Variants in RPTOR observed in about 807,000 individuals in gnomAD.
The protein encoded by RPTOR is regulatory associated protein of MTOR complex 1, also known as regulatory-associated protein of mTOR.
Under a neutral mutation model 169.9 loss-of-function variants are expected in RPTOR, and 21 were observed. That is an observed-to-expected ratio of 0.12 (90% CI 0.09 to 0.18). RPTOR has a LOEUF of 0.18. RPTOR is among the 10% of genes least tolerant of loss of function. The pLI is 1.00. For missense variants in RPTOR, 1,133 were observed against 1,855.9 expected (o/e 0.61, Z 7.16); for synonymous variants, 732 against 753.2 (o/e 0.97, Z 0.46).
chr17:80,606,262 G>A (rs964662545), intron 1 of RPTOR, among the ~76,000 whole-genome samples: 13 of 150,862 alleles, frequency 8.6e-5, no homozygotes, highest in South Asian at 4.2e-4. Flanking sequence ...CACCCGCCTC[G>A]GCCTCCCAAA....
At chr17:80,618,067 G>A (rs988287683) in intron 1 of RPTOR, among the ~76,000 whole-genome samples, 2 of 149,850 alleles carry the variant, frequency 1.3e-5, no homozygotes, top group African/African-American at 4.9e-5. Flanking sequence ...TGTAACCTCC[G>A]CCTCCCGGGT....
At chr17:80,813,430 A>G (rs2138126) in intron 7 of RPTOR, among the ~76,000 whole-genome samples, 78,808 of 152,140 alleles carry the variant, frequency 0.52, 20,945 homozygotes, top group African/African-American at 0.63. Context: ...AATGACCGAC[A>G]TGTGTGTGTG....
At chr17:80,714,231 G>A (rs902365408) in intron 4 of RPTOR, among the ~76,000 whole-genome samples, 2 of 152,166 alleles carry the variant, frequency 1.3e-5, no homozygotes, top group Admixed American at 6.5e-5. Context: ...GTGAGCCACC[G>A]TGCCTGGCCC....
chr17:80,691,550 T>C (rs2065991843), intron 3 of RPTOR, among the ~76,000 whole-genome samples: 1 of 152,208 alleles, frequency 6.6e-6, no homozygotes, highest in Non-Finnish European at 1.5e-5. Context: ...TCTTCACCGA[T>C]GTCCACGTCG....
chr17:80,551,766 G>A (rs1366834076), intron 1 of RPTOR, among the ~76,000 whole-genome samples: 1 of 152,170 alleles, frequency 6.6e-6, no homozygotes, highest in Admixed American at 6.5e-5. Context: ...TACGGGTGTC[G>A]GGCTGGGGGA....
At chr17:80,831,869 G>A (rs372192655) in intron 9 of RPTOR, among the ~76,000 whole-genome samples, 5 of 152,288 alleles carry the variant, frequency 3.3e-5, no homozygotes, top group African/African-American at 4.8e-5. Flanking sequence ...GTATGTCACC[G>A]TGTATCCCTG....
intron 8 of RPTOR, among the ~76,000 whole-genome samples, chr17:80,822,571 C>A (rs994008256): frequency 1.3e-5 from 2 of 152,222 alleles, no homozygotes; most frequent in African/African-American, 4.8e-5. Context: ...TGCGCACCGG[C>A]GGCTTATCTT....
intron 1 of RPTOR, among the ~76,000 whole-genome samples, chr17:80,576,651 C>T (rs566921114): frequency 2.0e-5 from 3 of 152,308 alleles, no homozygotes; most frequent in South Asian, 2.1e-4. Context: ...TTTCTCATGA[C>T]GGTCTACTGA....
At chr17:80,589,576 T>C (rs1280855894) in intron 1 of RPTOR, among the ~76,000 whole-genome samples, 1 of 152,238 alleles carries the variant, frequency 6.6e-6, no homozygotes, top group Non-Finnish European at 1.5e-5. Context: ...CTTTTCAATA[T>C]TAATTTTTCT....
intron 4 of RPTOR, among the ~76,000 whole-genome samples, chr17:80,714,167 C>G (rs2066220715): frequency 6.6e-6 from 1 of 152,134 alleles, no homozygotes; most frequent in South Asian, 2.1e-4. Context: ...TCTTGAACTC[C>G]TGACCTCAGG....
chr17:80,563,598 A>AAAG (rs2084531255), intron 1 of RPTOR, among the ~76,000 whole-genome samples: 1 of 151,546 alleles, frequency 6.6e-6, no homozygotes, highest in Non-Finnish European at 1.5e-5. Flanking sequence ...TAAATAAAAA[A>AAAG]TAAGGGAGAT....
chr17:80,583,654 T>A (rs982145961), intron 1 of RPTOR, among the ~76,000 whole-genome samples: 1 of 152,172 alleles, frequency 6.6e-6, no homozygotes, highest in African/African-American at 2.4e-5. Flanking sequence ...GTGAGGATCA[T>A]CCACTGGCCT....
At chr17:80,894,226 T>A (rs1019923314) in intron 20 of RPTOR, among the ~76,000 whole-genome samples, 1 of 151,616 alleles carries the variant, frequency 6.6e-6, no homozygotes, top group Non-Finnish European at 1.5e-5. Flanking sequence ...CAGCCGGGGG[T>A]GGTTTTGCCC....
At chr17:80,829,975 C>G (rs568147641) in intron 9 of RPTOR, among the ~76,000 whole-genome samples, 1 of 152,094 alleles carries the variant, frequency 6.6e-6, no homozygotes, top group Non-Finnish European at 1.5e-5. Flanking sequence ...AAAGTAAACA[C>G]GAGTCAGTTC....
At chr17:80,605,790 C>T (rs1027007140) in intron 1 of RPTOR, among the ~76,000 whole-genome samples, 1 of 152,142 alleles carries the variant, frequency 6.6e-6, no homozygotes, top group South Asian at 2.1e-4. Context: ...GACGAATGCC[C>T]GTTATGTCTC....
intron 10 of RPTOR, among the ~76,000 whole-genome samples, chr17:80,842,495 G>C (rs2067682465): frequency 6.6e-6 from 1 of 152,084 alleles, no homozygotes; most frequent in Non-Finnish European, 1.5e-5. Flanking sequence ...TTTAACAGAT[G>C]GTGCCAGAGC....
Position 80,823,401 on chromosome 17 carries a change from G to A in RPTOR, c.1136+178G>A. ...AGAGATCTCCACACAGAGGAGTGGG[G>A]GTCTCCTTCAGAGGGCAGAAGCCTT... On this transcript the variant is annotated intron_variant, in intron 9 of 33. Transcript: ENST00000306801. The surrounding 1 kb of genome is among the most constrained non-coding windows in gnomAD (Gnocchi z 4.5). 1 of 777,906 alleles carries A rather than the reference G, an allele frequency of 1.3e-6. No individual in the cohort carries two copies. The highest frequency in any genetic ancestry group is 2.0e-6 in the Non-Finnish European group (1 of 512,196). The allele number at this position is 777,906 out of a possible 1,614,324, so 48.2% of individuals were successfully genotyped here.
intron 6 of RPTOR, among the ~76,000 whole-genome samples, chr17:80,775,264 G>A (rs1012684048): frequency 6.6e-6 from 1 of 152,094 alleles, no homozygotes; most frequent in Non-Finnish European, 1.5e-5. Context: ...CCTTTGACTT[G>A]TTCTTAGTCT....
chr17:80,900,642 A>G (rs1393727733), intron 20 of RPTOR, among the ~76,000 whole-genome samples: 3 of 152,212 alleles, frequency 2.0e-5, no homozygotes, highest in African/African-American at 7.2e-5. Context: ...AGGAAGCGAC[A>G]GCAGCATCAC....
Sources: gnomAD v4.1 joint callset for allele counts (sites outside exome capture counted in the v4.1 genomes callset) on GRCh38, gnomAD v4.1.1 for gene constraint, Gnocchi (gnomAD v3.1) non-coding constraint, MANE v1.5 for transcripts, NCBI Gene and HGNC (gene_info 2026-07-23, HGNC 2026-07-21) for gene names.